The following THAP6 variants were observed in gnomAD, a reference collection of about 807,000 sequenced individuals.
THAP6 encodes the protein THAP domain-containing protein 6.
THAP6 carries 13 observed loss-of-function variants against 20.0 expected under a neutral mutation model. The ratio of observed to expected loss-of-function variants is 0.65; its 90% CI spans 0.42 to 1.03. The LOEUF is 1.03. Ranked by LOEUF, THAP6 falls within the 50% of genes least tolerant of loss-of-function variation. THAP6 has a pLI of 0.00. For synonymous variants in THAP6, 93 were observed against 92.2 expected (o/e 1.01, Z -0.05); for missense variants, 262 against 261.6 (o/e 1.00, Z -0.01).
Position 75,529,695 on chromosome 4 carries a change from A to G in THAP6, c.*2481A>G. On this transcript the variant is annotated 3_prime_UTR_variant, in exon 5 of 5. Coordinates refer to ENST00000311638, the MANE Select transcript of THAP6 (RefSeq NM_144721.6). ...CCTCCAGAAATTTCTCTGGCAGCCAAGCCTGACCCTAAGGGTTCCACTTTG... is the reference window on the plus strand; with the variant it reads ...CCTCCAGAAATTTCTCTGGCAGCCAGGCCTGACCCTAAGGGTTCCACTTTG... 1 of 985,496 alleles carries G rather than the reference A, an allele frequency of 1.0e-6. No individual in the cohort carries two copies. The highest frequency in any genetic ancestry group is 1.2e-6 in the Non-Finnish European group (1 of 829,978). 61.0% of individuals were successfully genotyped at this position (985,496 alleles called of 1,614,324 possible). A position where few individuals can be genotyped will look rare whatever the true frequency, so the allele number is the denominator to read the frequency against.
downstream of THAP6, chr4:75,530,125 A>C: frequency 1.0e-6 from 1 of 954,782 alleles, no homozygotes; most frequent in Non-Finnish European, 1.2e-6. Context: ...CTCCTCCACC[A>C]ATAACTCTAA....
intron 4 of THAP6, among the ~76,000 whole-genome samples, chr4:75,525,384 G>A (rs1367138286): frequency 1.3e-5 from 2 of 151,864 alleles, no homozygotes; most frequent in South Asian, 2.1e-4. Flanking sequence ...TTACATTCAC[G>A]AAATCTTTTC....
In THAP6 at chr4:75,529,728, A is replaced by T. The variant is rs1425356309; in HGVS notation, c.*2514A>T. On this transcript the variant is annotated 3_prime_UTR_variant, in exon 5 of 5. Transcript: ENST00000311638. ...CCTAAGGGTTCCACTTTGCTTTAAA[A>T]GCTAGGAGTGGCCTCTAGAGCCAGG... is the stretch of plus-strand genomic sequence containing the variant. The T allele has an allele frequency of 2.0e-6, 2 of 985,322 alleles. No homozygotes were observed. Among genetic ancestry groups the T allele is most frequent in the African/African-American group, 3.5e-5 (2 of 57,234 alleles). The allele number at this position is 985,322 out of a possible 1,614,324, so 61.0% of individuals were successfully genotyped here.
chr4:75,537,613 A>G (rs1300874313), intron 2 of THAP6, among the ~76,000 whole-genome samples: 2 of 152,154 alleles, frequency 1.3e-5, no homozygotes, highest in African/African-American at 2.4e-5. Flanking sequence ...GCCCAGTCTC[A>G]GGTATGTCTC....
intron 3 of THAP6, among the ~76,000 whole-genome samples, chr4:75,521,433 T>C (rs1425153414): frequency 6.6e-6 from 1 of 152,082 alleles, no homozygotes; most frequent in African/African-American, 2.4e-5. Context: ...GATCTATTTC[T>C]AGGTTTTTCT....
rs1187843603 is a variant in THAP6 at position 75,516,847 on chromosome 4, T to G, written c.156T>G (p.Ile52Met). 6.2e-7 allele frequency: 1 copy of G among 1,614,078 alleles called. No homozygotes were observed. The highest frequency in any genetic ancestry group is 1.1e-5 in the South Asian group (1 of 91,076). The change falls in exon 3 of 5, where the codon ATT becomes ATG. Residue 52 changes from isoleucine (I) to methionine (M), a missense_variant. Coordinates refer to ENST00000311638, the MANE Select transcript of THAP6 (RefSeq NM_144721.6). ...GACTTGATGTGAATGCAGCCGGCAT[T>G]TGGGAGCCTAAAAAAGGAGATGTGT... ...MKRLDVNAAG[I>M]WEPKKGDVLC...
downstream of THAP6, among the ~76,000 whole-genome samples, chr4:75,530,198 A>G (rs1726635056): frequency 6.6e-6 from 1 of 152,194 alleles, no homozygotes; most frequent in Non-Finnish European, 1.5e-5. Flanking sequence ...ATATGGACCT[A>G]TCATAGAGCC....
In THAP6 at chr4:75,527,443, C is replaced by T; in HGVS notation, c.*229C>T. ...TATGTTTTATAGACCTACACTAGTG[C>T]CAGGTCACTATTGTAAGATGTTAAA... On this transcript the variant is annotated 3_prime_UTR_variant, in exon 5 of 5. Transcript: ENST00000311638. 2 of 1,319,714 alleles carry T rather than the reference C, an allele frequency of 1.5e-6. No individual in the cohort carries two copies. Among genetic ancestry groups the T allele is most frequent in the African/African-American group, 1.5e-5 (1 of 67,946 alleles). 81.8% of individuals were successfully genotyped at this position (1,319,714 alleles called of 1,614,324 possible).
At chr4:75,520,429 C>T (rs1489439577) in intron 3 of THAP6, among the ~76,000 whole-genome samples, 7 of 152,186 alleles carry the variant, frequency 4.6e-5, no homozygotes, top group South Asian at 2.1e-4. Flanking sequence ...AATTTATAGT[C>T]TTACCATCAG....
In THAP6 at chr4:75,528,919, G is replaced by A; in HGVS notation, c.*1705G>A. On this transcript the variant is annotated 3_prime_UTR_variant, in exon 5 of 5. Coordinates refer to ENST00000311638, the MANE Select transcript of THAP6 (RefSeq NM_144721.6). ...CAAAAAAAAATTAGCCGGGCATGGT[G>A]GCACGTGCCTGTAATCCCAGCTACT... is the stretch of plus-strand genomic sequence containing the variant. 2.1e-6 allele frequency: 1 copy of A among 471,498 alleles called. No homozygotes were observed. The highest frequency in any genetic ancestry group is 2.8e-6 in the Non-Finnish European group (1 of 360,546). The allele number at this position is 471,498 out of a possible 1,614,324, so 29.2% of individuals were successfully genotyped here.
At chr4:75,536,507 T>C (rs531270729) in intron 2 of THAP6, among the ~76,000 whole-genome samples, 23 of 152,100 alleles carry the variant, frequency 1.5e-4, no homozygotes, top group African/African-American at 5.5e-4. Context: ...ATACAGACAG[T>C]TACTTCATTT....
At chr4:75,532,275 C>G (rs1366472395), downstream of THAP6, among the ~76,000 whole-genome samples, 1 of 152,238 alleles carries the variant, frequency 6.6e-6, no homozygotes, top group Non-Finnish European at 1.5e-5. Flanking sequence ...TCCAGCAGGG[C>G]AGGCAAATCT....
intron 2 of THAP6, 138 bp from the exon 3 acceptor site, chr4:75,516,634 G>T: frequency 1.4e-6 from 1 of 710,672 alleles, no homozygotes; most frequent in East Asian, 2.8e-5. Context: ...ATGAATTATG[G>T]TTTCCTAAAT....
At chr4:75,523,406 T>C (rs1726157317) in intron 4 of THAP6, among the ~76,000 whole-genome samples, 1 of 152,222 alleles carries the variant, frequency 6.6e-6, no homozygotes, top group Non-Finnish European at 1.5e-5. Context: ...GGGTTGTCTC[T>C]TCACTTTGTT....
Position 75,515,534 on chromosome 4 carries a change from TA to T in THAP6, c.80+4del. 6.2e-7 allele frequency: 1 copy of T among 1,613,484 alleles called. No individual in the cohort carries two copies. Among genetic ancestry groups the T allele is most frequent in the Non-Finnish European group, 8.5e-7 (1 of 1,179,392 alleles). On this transcript the variant is annotated splice_donor_region_variant and intron_variant, in intron 2 of 4. Coordinates refer to ENST00000311638, the MANE Select transcript of THAP6 (RefSeq NM_144721.6). ...GTTAAAAGGACTGACATTTCACGTGTAAGATTTTGCTGTAGTTAAGCCAAAT... is the reference window on the plus strand; with the variant it reads ...GTTAAAAGGACTGACATTTCACGTGTAGATTTTGCTGTAGTTAAGCCAAAT...
At chr4:75,541,272 G>A (rs1474158274) in intron 2 of THAP6, among the ~76,000 whole-genome samples, 3 of 152,068 alleles carry the variant, frequency 2.0e-5, no homozygotes, top group African/African-American at 4.8e-5. Flanking sequence ...AAACCGTGGC[G>A]TGCCCATGGA....
chr4:75,544,756 T>A (rs1271900958), intron 3 of THAP6: 1 of 152,064 alleles, frequency 6.6e-6, no homozygotes, highest in Non-Finnish European at 1.5e-5. Flanking sequence ...TTGTAATGGG[T>A]TGATATGTCT....
chr4:75,524,269 A>T (rs1451364364), intron 4 of THAP6, among the ~76,000 whole-genome samples: 1 of 152,046 alleles, frequency 6.6e-6, no homozygotes, highest in Non-Finnish European at 1.5e-5. Flanking sequence ...CATGCATTTC[A>T]CTTTTACATA....
chr4:75,515,629 G>C, intron 2 of THAP6, 97 bp downstream of exon 2: 1 of 1,150,094 alleles, frequency 8.7e-7, no homozygotes, highest in African/African-American at 1.5e-5. Flanking sequence ...TTTAGTTCCC[G>C]AGTCCTTTTT....
Sources: allele counts gnomAD v4.1 joint callset (sites outside exome capture counted in the v4.1 genomes callset), GRCh38; gene constraint gnomAD v4.1.1; transcripts MANE v1.5; gene names NCBI Gene and HGNC (gene_info 2026-07-23, HGNC 2026-07-21).